Variants in SUPT3H observed in about 807,000 individuals in gnomAD.
The protein encoded by SUPT3H is transcription initiation protein SPT3 homolog.
In SUPT3H, 44 loss-of-function variants were observed where a neutral mutation model predicts 44.3. The ratio of observed to expected loss-of-function variants is 0.99; its 90% CI spans 0.78 to 1.28. SUPT3H has a LOEUF of 1.28. Ranked by LOEUF, SUPT3H falls within the 50% of genes most tolerant of loss-of-function variation. The pLI, the probability that SUPT3H is intolerant of heterozygous loss-of-function variation, is 0.00. For synonymous variants in SUPT3H, 124 were observed against 125.6 expected, an observed-to-expected ratio of 0.99 and a Z score of 0.09; for missense variants, 380 against 387.1, an observed-to-expected ratio of 0.98 and a Z score of 0.15.
chr6:45,212,563 T>G (rs1764310517), intron 2 of SUPT3H, among the ~76,000 whole-genome samples: 1 of 149,914 alleles, frequency 6.7e-6, no homozygotes, highest in Non-Finnish European at 1.5e-5. Flanking sequence ...ACTCTACTAC[T>G]CACTAGGTCC....
At chr6:45,305,186 G>A (rs543346032) in intron 2 of SUPT3H, among the ~76,000 whole-genome samples, 14 of 152,212 alleles carry the variant, frequency 9.2e-5, no homozygotes, top group East Asian at 1.9e-4. Context: ...GAAAAACATC[G>A]GCTTTTAGCT....
At chr6:45,363,476 T>G (rs1476639949) in intron 2 of SUPT3H, among the ~76,000 whole-genome samples, 3 of 152,258 alleles carry the variant, frequency 2.0e-5, no homozygotes, top group South Asian at 4.1e-4. Context: ...ATATATAGGT[T>G]TCATTACACT....
chr6:45,183,509 G>C (rs1416767337), intron 2 of SUPT3H, among the ~76,000 whole-genome samples: 1 of 152,192 alleles, frequency 6.6e-6, no homozygotes, highest in Non-Finnish European at 1.5e-5. Context: ...GGGAGCAAAA[G>C]AGAGAAGAAA....
intron 3 of SUPT3H, among the ~76,000 whole-genome samples, chr6:45,025,060 T>G (rs1264524685): frequency 6.6e-6 from 1 of 152,198 alleles, no homozygotes; most frequent in Non-Finnish European, 1.5e-5. Flanking sequence ...TATAATTTAT[T>G]ATCCTTATAA....
At chr6:45,003,917 TA>T (rs1213206665) in intron 5 of SUPT3H, 125 bp from the exon 6 acceptor site, 2 of 1,100,754 alleles carry the variant, frequency 1.8e-6, no homozygotes, top group Non-Finnish European at 2.5e-6. Context: ...AATAATCTTT[TA>T]AAAAATTCTT....
chr6:45,326,770 A>C (rs1301915026), intron 2 of SUPT3H, among the ~76,000 whole-genome samples: 1 of 151,938 alleles, frequency 6.6e-6, no homozygotes, highest in East Asian at 1.9e-4. Flanking sequence ...CACTAGGAAG[A>C]ACACAGGGAT....
At chr6:45,120,417 TA>T (rs71687494) in intron 2 of SUPT3H, among the ~76,000 whole-genome samples, 7,130 of 49,702 alleles carry the variant, frequency 0.14, 423 homozygotes, top group Admixed American at 0.29. Flanking sequence ...AGACCTTGTC[TA>T]AAAAAAAAAA....
At position 45,003,769 on chromosome 6, in the gene SUPT3H, CATT is replaced by C. The variant is rs1782333355; in HGVS notation, c.385_387del (p.Asn129del). The C allele has an allele frequency of 6.2e-7, 1 of 1,613,588 alleles. No homozygotes were observed. Reference sequence around the variant, plus strand: ...TGAGCAATCTTTTGTCTTTTGTTCGCATTATTGCTGCCACTCAATTTGTCTTCA... The same window carrying C: ...TGAGCAATCTTTTGTCTTTTGTTCGCATTGCTGCCACTCAATTTGTCTTCA... On this transcript the variant is annotated inframe_deletion, in exon 6 of 11. Coordinates refer to ENST00000371459, the MANE Select transcript of SUPT3H (RefSeq NM_003599.4).
chr6:45,242,230 T>C (rs1770489321), intron 2 of SUPT3H, among the ~76,000 whole-genome samples: 1 of 152,138 alleles, frequency 6.6e-6, no homozygotes. Flanking sequence ...CTTTCGTGTG[T>C]AGGTACTTTC....
In SUPT3H at chr6:45,365,270, G is replaced by A. The variant is rs748962210; in HGVS notation, c.32C>T (p.Thr11Ile). MNNTAASPMSTATSSSGRSTG... is the reference protein window; with the variant it reads MNNTAASPMSIATSSSGRSTG... ...ACTCCTTCCACTACTTGAAGTTGCA[G>A]TAGACATTGGACTAGCTGCCGTATT... The change falls in exon 2 of 11, where the codon ACT becomes ATT. Residue 11 changes from threonine to isoleucine, a missense_variant. By Grantham distance (89) the Thr-to-Ile change is moderately conservative. Coordinates refer to ENST00000371459, the MANE Select transcript of SUPT3H (RefSeq NM_003599.4). 6.2e-6 allele frequency: 10 copies of A among 1,611,918 alleles called. No individual in the cohort carries two copies. Among genetic ancestry groups the A allele is most frequent in the South Asian group, 1.1e-5 (1 of 90,952 alleles).
In SUPT3H at chr6:44,829,768, A is replaced by C; in HGVS notation, c.*48T>G. The C allele has an allele frequency of 6.3e-7, 1 of 1,597,938 alleles. No homozygotes were observed. Among genetic ancestry groups the C allele is most frequent in the Non-Finnish European group, 8.6e-7 (1 of 1,168,426 alleles). ...ATTTTGTTCACAAGAAATCACCTTA[A>C]TATAACATTGCCTTTCCTGTTGTTG... On this transcript the variant is annotated 3_prime_UTR_variant, in exon 11 of 11. Coordinates refer to ENST00000371459, the MANE Select transcript of SUPT3H (RefSeq NM_003599.4).
intron 6 of SUPT3H, among the ~76,000 whole-genome samples, chr6:44,968,929 G>A (rs918138125): frequency 6.6e-6 from 1 of 152,046 alleles, no homozygotes; most frequent in Non-Finnish European, 1.5e-5. Context: ...TTTGTTTTTA[G>A]TTAGGTCACC....
intron 2 of SUPT3H, among the ~76,000 whole-genome samples, chr6:45,184,775 G>GAAAAAA (rs55652227): frequency 1.7e-4 from 22 of 128,572 alleles, no homozygotes; most frequent in African/African-American, 2.7e-4. Context: ...ACAGGCAGAG[G>GAAAAAA]AAAAAAAAAA....
At chr6:45,094,616 A>G (rs754255428) in intron 3 of SUPT3H, among the ~76,000 whole-genome samples, 2 of 152,164 alleles carry the variant, frequency 1.3e-5, no homozygotes, top group African/African-American at 2.4e-5. Context: ...AGAATGTAGC[A>G]TAAGAGGCAT....
chr6:45,017,590 T>C (rs2153515858), intron 4 of SUPT3H, among the ~76,000 whole-genome samples: 1 of 152,066 alleles, frequency 6.6e-6, no homozygotes, highest in African/African-American at 2.4e-5. Context: ...CAGCACCATT[T>C]ATTAAATAGG....
rs1221255024 is a variant in SUPT3H, at chr6:45,245,161, T to G, written c.101+120040A>C. On this transcript the variant is annotated intron_variant, in intron 2 of 10. Coordinates refer to ENST00000371459, the MANE Select transcript of SUPT3H (RefSeq NM_003599.4). ...TAGTATTTCAGATATTTCACATGTTTTTTCAAGAATATCTATTTTGGTTAA... is the reference window on the plus strand; with the variant it reads ...TAGTATTTCAGATATTTCACATGTTGTTTCAAGAATATCTATTTTGGTTAA... Among the ~76,000 whole-genome samples, 4 of 152,170 alleles carry G rather than the reference T, an allele frequency of 2.6e-5. No homozygotes were observed. The East Asian group carries it at 5.8e-4, about 22-fold the overall frequency.
chr6:44,859,479 T>C (rs1447857106), intron 10 of SUPT3H, among the ~76,000 whole-genome samples: 1 of 152,172 alleles, frequency 6.6e-6, no homozygotes, highest in Non-Finnish European at 1.5e-5. Context: ...ATAAGAGTGT[T>C]ATATCCTGGC....
At chr6:44,839,476 A>G (rs77972877) in intron 10 of SUPT3H, among the ~76,000 whole-genome samples, 13,168 of 150,834 alleles carry the variant, frequency 0.087, 949 homozygotes, top group African/African-American at 0.2. Context: ...CAGCTAATTA[A>G]AAAAATTTTT....
chr6:45,195,219 TG>T (rs1815816852), intron 2 of SUPT3H, among the ~76,000 whole-genome samples: 2 of 152,262 alleles, frequency 1.3e-5, no homozygotes, highest in South Asian at 4.2e-4. Context: ...TCATAATAAC[TG>T]GAACAGAGAA....
Sources: gnomAD v4.1 joint callset for allele counts (sites outside exome capture counted in the v4.1 genomes callset) on GRCh38, gnomAD v4.1.1 for gene constraint, MANE v1.5 for transcripts, NCBI Gene and HGNC (gene_info 2026-07-23, HGNC 2026-07-21) for gene names.